Variants in PTP4A1 observed in about 807,000 individuals in gnomAD.
The protein encoded by PTP4A1 is protein tyrosine phosphatase type IVA 1.
In PTP4A1, 9 loss-of-function variants were observed where a neutral mutation model predicts 20.5. The ratio of observed to expected loss-of-function variants is 0.44; its 90% CI spans 0.26 to 0.77. The LOEUF (loss-of-function observed/expected upper bound fraction) is 0.77. Among genes scored for constraint, PTP4A1 ranks in the 30% least tolerant of loss-of-function variants. The pLI is 0.19. For missense variants in PTP4A1, 137 were observed against 218.8 expected (o/e 0.63, Z 2.36); for synonymous variants, 78 against 67.4 (o/e 1.16, Z -0.77).
intron 2 of PTP4A1, among the ~76,000 whole-genome samples, chr6:63,545,327 A>T (rs997079679): frequency 2.6e-5 from 4 of 152,110 alleles, no homozygotes; most frequent in Non-Finnish European, 5.9e-5. Flanking sequence ...GAAATTTCTT[A>T]GGCTGGGTGT....
intron 3 of PTP4A1, chr6:63,550,521 T>C (rs192515957): frequency 6.6e-6 from 1 of 152,190 alleles, no homozygotes; most frequent in Non-Finnish European, 1.5e-5. Context: ...ACTTTCATGA[T>C]AAAGGGCCTG....
intron 2 of PTP4A1, among the ~76,000 whole-genome samples, chr6:63,540,259 A>G (rs527850558): frequency 7.9e-6 from 1 of 126,968 alleles, no homozygotes; most frequent in East Asian, 2.7e-4. Flanking sequence ...AGGAGCCCAG[A>G]TGTATATAGA....
chr6:63,579,457 A>T (rs1461179444), intron 5 of PTP4A1, 126 bp downstream of exon 5: 2 of 619,390 alleles, frequency 3.2e-6, no homozygotes, highest in East Asian at 6.7e-5. Flanking sequence ...TAAAACCAGG[A>T]AATCAAGATC....
In PTP4A1 at chr6:63,580,484, A is replaced by G. The variant is rs539083897; in HGVS notation, c.*310A>G. 9.1e-6 allele frequency: 2 copies of G among 220,680 alleles called. No homozygotes were observed. Among genetic ancestry groups the G allele is most frequent in the East Asian group, 1.9e-4 (2 of 10,672 alleles). The allele number at this position is 220,680 out of a possible 1,614,324, so 13.7% of individuals were successfully genotyped here. A position where few individuals can be genotyped will look rare whatever the true frequency, so the allele number is the denominator to read the frequency against. On this transcript the variant is annotated 3_prime_UTR_variant, in exon 6 of 6. Transcript: ENST00000626021. ...CTTGTTAAATCTATTCCCATGCCAGAATCTTATCAATACATAAGAAATTTA... is the reference window on the plus strand; with the variant it reads ...CTTGTTAAATCTATTCCCATGCCAGGATCTTATCAATACATAAGAAATTTA...
chr6:63,534,638 T>C (rs1347389842), intron 2 of PTP4A1, among the ~76,000 whole-genome samples: 1 of 151,906 alleles, frequency 6.6e-6, no homozygotes, highest in African/African-American at 2.4e-5. Context: ...CAAGACACCA[T>C]GTCTCTAAAA....
At chr6:63,563,460 T>A (rs1407407644) in intron 3 of PTP4A1, among the ~76,000 whole-genome samples, 4 of 152,186 alleles carry the variant, frequency 2.6e-5, no homozygotes, top group Non-Finnish European at 5.9e-5. Flanking sequence ...TTCATTCTCA[T>A]CATTTAGATC....
chr6:63,545,472 G>A (rs531297468), intron 2 of PTP4A1, among the ~76,000 whole-genome samples: 3 of 152,200 alleles, frequency 2.0e-5, no homozygotes, highest in Admixed American at 6.5e-5. Context: ...TTAGCTGGGC[G>A]TGGTGGCACA....
intron 2 of PTP4A1, among the ~76,000 whole-genome samples, chr6:63,541,869 G>A (rs1775991887): frequency 6.6e-6 from 1 of 151,962 alleles, no homozygotes; most frequent in Non-Finnish European, 1.5e-5. Context: ...ATTTCCCTCT[G>A]TACTATGTCA....
In PTP4A1 at chr6:63,581,258, T is replaced by C. The variant is rs1275989668; in HGVS notation, c.*1084T>C. 6.6e-6 allele frequency: 1 copy of C among 152,610 alleles called. No individual in the cohort carries two copies. The highest frequency in any genetic ancestry group is 2.4e-5 in the African/African-American group (1 of 41,452). 9.5% of individuals were successfully genotyped at this position (152,610 alleles called of 1,614,324 possible). The stretch of plus-strand genomic sequence containing the variant: ...TGAGCTGTGTAACTTAATATTTGGA[T>C]ACTTGACAATTTGTTTTATTATGTA... On this transcript the variant is annotated 3_prime_UTR_variant, in exon 6 of 6. Coordinates refer to ENST00000626021, the MANE Select transcript of PTP4A1 (RefSeq NM_003463.5).
rs148399690 is a variant in PTP4A1, at chr6:63,523,812, C to G, written c.-906+1986C>G. ...AGACAATTCTTCTTTCAGTGGGGCC[C>G]GGAGAAGCCAAAAGATTGGACACCC... On this transcript the variant is annotated intron_variant, in intron 1 of 3. Coordinates refer to the PTP4A1 transcript ENST00000639568. Among the ~76,000 whole-genome samples, 495 of 152,074 alleles carry G rather than the reference C, an allele frequency of 3.3e-3. 2 individuals are homozygous for G. Among genetic ancestry groups the G allele is most frequent in the African/African-American group, 0.011 (475 of 41,474 alleles).
chr6:63,578,584 C>A, intron 3 of PTP4A1, 55 bp downstream of exon 3: 2 of 1,559,308 alleles, frequency 1.3e-6, no homozygotes, highest in South Asian at 1.2e-5. Context: ...AAAGTTTATT[C>A]AAATAGTAAA....
In PTP4A1 at chr6:63,547,145, T is replaced by G. The variant is rs146901481; in HGVS notation, c.-639-3155T>G. 8.8e-3 allele frequency among the ~76,000 whole-genome samples: 1,332 copies of G among 152,068 alleles called. 23 individuals are homozygous for G. Among genetic ancestry groups the G allele is most frequent in the African/African-American group, 0.03 (1,259 of 41,478 alleles). ...ATAAGATTAATCACTCTCAAGAGAA[T>G]GCCTTTCAGGAGTTCAGAAGTTTAC... On this transcript the variant is annotated intron_variant, in intron 2 of 3. Coordinates refer to the PTP4A1 transcript ENST00000639568.
chr6:63,552,774 C>T (rs578212221), intron 3 of PTP4A1, among the ~76,000 whole-genome samples: 1 of 152,282 alleles, frequency 6.6e-6, no homozygotes, highest in South Asian at 2.1e-4. Context: ...TTTCCCAACA[C>T]CATTTATTAA....
intron 1 of PTP4A1, among the ~76,000 whole-genome samples, chr6:63,522,206 C>G (rs796460144): frequency 9.9e-5 from 15 of 152,256 alleles, no homozygotes; most frequent in African/African-American, 3.6e-4. Context: ...ATTCCTTTTT[C>G]TCCAAAGTAT....
At chr6:63,525,349 T>C (rs1264531743) in intron 1 of PTP4A1, among the ~76,000 whole-genome samples, 1 of 152,212 alleles carries the variant, frequency 6.6e-6, no homozygotes. Context: ...GGTTAGATTC[T>C]GCCAATGGGG....
At chr6:63,534,072 G>A (rs1402679990) in intron 2 of PTP4A1, among the ~76,000 whole-genome samples, 2 of 151,950 alleles carry the variant, frequency 1.3e-5, no homozygotes, top group Non-Finnish European at 2.9e-5. Context: ...AGAAATTCTG[G>A]CCTCAAGTGA....
intron 1 of PTP4A1, among the ~76,000 whole-genome samples, chr6:63,574,050 A>G (rs184861333): frequency 6.6e-6 from 1 of 152,228 alleles, no homozygotes; most frequent in South Asian, 2.1e-4. Context: ...AGTTATTTAC[A>G]CTACGATTGG....
At chr6:63,572,975 C>T (rs951183813) in intron 1 of PTP4A1, among the ~76,000 whole-genome samples, 1 of 152,142 alleles carries the variant, frequency 6.6e-6, no homozygotes, top group Non-Finnish European at 1.5e-5. Flanking sequence ...TTTTGAGTCC[C>T]TCCCGAGCCC....
At chr6:63,576,056 C>T (rs1451430235) in intron 1 of PTP4A1, among the ~76,000 whole-genome samples, 3 of 150,080 alleles carry the variant, frequency 2.0e-5, no homozygotes, top group Non-Finnish European at 3.0e-5. Flanking sequence ...AAACAACTAT[C>T]GAAAGGGATA....
Sources: allele counts gnomAD v4.1 joint callset (sites outside exome capture counted in the v4.1 genomes callset), GRCh38; gene constraint gnomAD v4.1.1; transcripts MANE v1.5; gene names NCBI Gene and HGNC (gene_info 2026-07-23, HGNC 2026-07-21).